The following CTNNA3 variants were observed in gnomAD, a reference collection of about 807,000 sequenced individuals.
CTNNA3 encodes the protein catenin alpha-3.
Under a neutral mutation model 95.7 loss-of-function variants are expected in CTNNA3, and 76 were observed. The ratio of observed to expected loss-of-function variants is 0.79; its 90% CI spans 0.66 to 0.96. The LOEUF (loss-of-function observed/expected upper bound fraction) is 0.96, where lower values mean the gene tolerates loss of function less well. CTNNA3 is among the 40% of genes least tolerant of loss of function. The pLI is 0.00. For missense variants in CTNNA3, 1,191 were observed against 1,089.8 expected (o/e 1.09, Z -1.31); for synonymous variants, 431 against 374.4 (o/e 1.15, Z -1.74).
intron 7 of CTNNA3, among the ~76,000 whole-genome samples, chr10:67,131,159 G>A (rs890432112): frequency 2.6e-5 from 4 of 151,914 alleles, no homozygotes; most frequent in African/African-American, 9.7e-5. Flanking sequence ...ATGTCTCCTC[G>A]TTATGCTCTT....
At chr10:66,964,586 G>A (rs1215081816) in intron 7 of CTNNA3, among the ~76,000 whole-genome samples, 4 of 152,118 alleles carry the variant, frequency 2.6e-5, no homozygotes, top group Non-Finnish European at 5.9e-5. Flanking sequence ...CTTTCATCAT[G>A]ACATTTAAAC....
At chr10:66,583,412 G>T (rs992424348) in intron 10 of CTNNA3, among the ~76,000 whole-genome samples, 1 of 151,554 alleles carries the variant, frequency 6.6e-6, no homozygotes, top group Non-Finnish European at 1.5e-5. Context: ...AAGCTAGCGG[G>T]GGTTGTATGT....
chr10:66,961,350 T>C (rs193148361), intron 7 of CTNNA3, among the ~76,000 whole-genome samples: 1 of 152,310 alleles, frequency 6.6e-6, no homozygotes, highest in East Asian at 1.9e-4. Flanking sequence ...TTGCTCAGTC[T>C]AAAGTCAGTT....
At chr10:66,567,683 G>A (rs189417781) in intron 10 of CTNNA3, among the ~76,000 whole-genome samples, 1 of 152,194 alleles carries the variant, frequency 6.6e-6, no homozygotes, top group Non-Finnish European at 1.5e-5. Flanking sequence ...TAACAGCGAA[G>A]GGCTTCACTA....
intron 5 of CTNNA3, among the ~76,000 whole-genome samples, chr10:67,284,633 T>C (rs1839523271): frequency 6.6e-6 from 1 of 152,204 alleles, no homozygotes; most frequent in African/African-American, 2.4e-5. Flanking sequence ...GCTGAATGTA[T>C]CATCATTTTT....
At chr10:67,742,735 C>A (rs1211415033) in intron 1 of CTNNA3, among the ~76,000 whole-genome samples, 2 of 150,776 alleles carry the variant, frequency 1.3e-5, no homozygotes, top group Non-Finnish European at 3.0e-5. Flanking sequence ...AAAAGATCAA[C>A]AAAATTGATA....
intron 7 of CTNNA3, among the ~76,000 whole-genome samples, chr10:66,783,876 T>C (rs1285500981): frequency 6.6e-6 from 1 of 152,192 alleles, no homozygotes; most frequent in African/African-American, 2.4e-5. Context: ...GTCTAATTCC[T>C]ACTCTGTTTC....
intron 14 of CTNNA3, among the ~76,000 whole-genome samples, chr10:66,091,666 G>T (rs1352046550): frequency 6.6e-6 from 1 of 151,870 alleles, no homozygotes; most frequent in African/African-American, 2.4e-5. Flanking sequence ...AAAATGGAAA[G>T]AGGTTATAAG....
intron 13 of CTNNA3, among the ~76,000 whole-genome samples, chr10:66,205,719 T>C (rs2087714790): frequency 6.6e-6 from 1 of 152,046 alleles, no homozygotes; most frequent in Non-Finnish European, 1.5e-5. Flanking sequence ...CATACCAGCG[T>C]CATCATTTTT....
intron 5 of CTNNA3, among the ~76,000 whole-genome samples, chr10:67,477,160 T>A (rs1848045580): frequency 6.6e-6 from 1 of 152,008 alleles, no homozygotes; most frequent in Admixed American, 6.6e-5. Flanking sequence ...TTTCCTGGAC[T>A]AAGAGTTTAG....
At chr10:67,326,694 A>G (rs1017752387) in intron 5 of CTNNA3, among the ~76,000 whole-genome samples, 15 of 152,220 alleles carry the variant, frequency 9.9e-5, no homozygotes, top group East Asian at 7.7e-4. Context: ...GAATCTGATT[A>G]TTATAGGTCT....
At chr10:67,181,110 C>A (rs1234133898) in intron 6 of CTNNA3, among the ~76,000 whole-genome samples, 1 of 152,030 alleles carries the variant, frequency 6.6e-6, no homozygotes, top group African/African-American at 2.4e-5. Flanking sequence ...TCTTTCAATA[C>A]CAGATTTAAT....
intron 7 of CTNNA3, among the ~76,000 whole-genome samples, chr10:67,093,207 T>C (rs1025766606): frequency 2.6e-5 from 4 of 151,894 alleles, no homozygotes; most frequent in Non-Finnish European, 5.9e-5. Context: ...GAGAAGCAAA[T>C]GCCTTATTAG....
At chr10:67,066,212 T>TTTTTTA (rs1856069269) in intron 7 of CTNNA3, among the ~76,000 whole-genome samples, 9 of 149,806 alleles carry the variant, frequency 6.0e-5, no homozygotes, top group African/African-American at 1.5e-4. Context: ...TTTTTTTTTT[T>TTTTTTA]GAGACAGTCT....
chr10:66,932,027 G>T (rs1466398930), intron 7 of CTNNA3, among the ~76,000 whole-genome samples: 2 of 152,132 alleles, frequency 1.3e-5, no homozygotes, highest in Admixed American at 1.3e-4. Flanking sequence ...TCAAAGGAGG[G>T]GGGCCTCCCC....
At chr10:67,251,054 A>G (rs1473593714) in intron 5 of CTNNA3, among the ~76,000 whole-genome samples, 1 of 152,238 alleles carries the variant, frequency 6.6e-6, no homozygotes, top group African/African-American at 2.4e-5. Flanking sequence ...AGCATTCTTC[A>G]TAATAACCAA....
chr10:65,990,211 A>G (rs1007003506), intron 15 of CTNNA3, among the ~76,000 whole-genome samples: 1 of 151,836 alleles, frequency 6.6e-6, no homozygotes, highest in African/African-American at 2.4e-5. Context: ...TATCCTTTTG[A>G]TATGCTGATT....
rs1461822573 is a variant in CTNNA3 at position 67,318,547 on chromosome 10, C to T, written c.580-98677G>A. On this transcript the variant is annotated intron_variant, in intron 5 of 17. Coordinates refer to ENST00000433211, the MANE Select transcript of CTNNA3 (RefSeq NM_013266.4). ...TCTACAAGGTCCCATATGGTATAGC[C>T]AGCAGTCCTCTCCCCAAACCCTAAT... 3.3e-5 allele frequency among the ~76,000 whole-genome samples: 5 copies of T among 152,174 alleles called. 1 individual carries two copies. In the South Asian group the frequency reaches 8.3e-4, roughly 25 times the overall value.
chr10:66,752,236 G>T (rs951868418), intron 9 of CTNNA3, among the ~76,000 whole-genome samples: 8 of 151,898 alleles, frequency 5.3e-5, no homozygotes, highest in African/African-American at 1.9e-4. Flanking sequence ...TTGAATAAAT[G>T]GTAGACACAT....
Sources: gnomAD v4.1 joint callset for allele counts (sites outside exome capture counted in the v4.1 genomes callset) on GRCh38, gnomAD v4.1.1 for gene constraint, MANE v1.5 for transcripts, NCBI Gene and HGNC (gene_info 2026-07-23, HGNC 2026-07-21) for gene names.